Variants in ACOT7 observed in about 807,000 individuals in gnomAD.
ACOT7 encodes the protein cytosolic acyl coenzyme A thioester hydrolase.
Under a neutral mutation model 40.2 loss-of-function variants are expected in ACOT7, and 12 were observed. That is an observed-to-expected ratio of 0.30 (90% CI 0.19 to 0.48). The LOEUF (loss-of-function observed/expected upper bound fraction) is 0.48, where lower values mean the gene tolerates loss of function less well. Among genes scored for constraint, ACOT7 ranks in the 20% least tolerant of loss-of-function variants. The probability of loss-of-function intolerance (pLI) is 0.99; values close to 1 mark genes in which losing one functional copy is unlikely to be tolerated. For synonymous variants in ACOT7, 228 were observed against 219.5 expected (o/e 1.04, Z -0.34); for missense variants, 395 against 530.8 (o/e 0.74, Z 2.51).
intron 5 of ACOT7, among the ~76,000 whole-genome samples, chr1:6,319,224 G>A (rs1397916607): frequency 6.6e-6 from 1 of 152,166 alleles, no homozygotes; most frequent in Non-Finnish European, 1.5e-5. Context: ...ACAAAGCCTC[G>A]CTCTATTGCC....
chr1:6,386,035 C>T (rs138329737), intron 1 of ACOT7, among the ~76,000 whole-genome samples: 160 of 152,320 alleles, frequency 1.1e-3, no homozygotes, highest in Non-Finnish European at 1.6e-3. Context: ...CCTTAAACCT[C>T]GCACCACTCA....
chr1:6,323,737 AATATAT>A (rs57302929), intron 5 of ACOT7, among the ~76,000 whole-genome samples: 438 of 38,406 alleles, frequency 0.011, 1 homozygote, highest in East Asian at 0.045. Context: ...AAAAAAAAAA[AATATAT>A]ATATATATAT....
intron 1 of ACOT7, chr1:6,385,937 A>C: frequency 1.1e-6 from 1 of 908,342 alleles, no homozygotes; most frequent in South Asian, 2.0e-5. Context: ...ACAGACAGGG[A>C]AACAGGACAG....
intron 8 of ACOT7, among the ~76,000 whole-genome samples, chr1:6,272,657 A>C (rs1200609620): frequency 6.6e-6 from 1 of 151,676 alleles, no homozygotes; most frequent in African/African-American, 2.4e-5. Context: ...TTGCCAGGAC[A>C]CTCCACACCC....
intron 2 of ACOT7, among the ~76,000 whole-genome samples, chr1:6,348,529 G>A (rs1196663484): frequency 6.6e-6 from 1 of 152,144 alleles, no homozygotes; most frequent in African/African-American, 2.4e-5. Context: ...ATGAGAGAAT[G>A]GGGACAGAGC....
Position 6,306,547 on chromosome 1 carries a change from G to C in ACOT7, c.713-11567C>G. 1 of 985,440 alleles carries C rather than the reference G, an allele frequency of 1.0e-6. No individual in the cohort carries two copies. Among genetic ancestry groups the C allele is most frequent in the Non-Finnish European group, 1.2e-6 (1 of 829,934 alleles). 61.0% of individuals were successfully genotyped at this position (985,440 alleles called of 1,614,324 possible). The stretch of plus-strand genomic sequence containing the variant: ...AGGATGGACGTGAAGCTGTTCTTCA[G>C]AACAGAAGAACCTGGAGAACGATGT... On this transcript the variant is annotated intron_variant, in intron 6 of 8. Transcript: ENST00000361521. This position sits in a 1 kb window ranked among gnomAD's most constrained non-coding sequence, Gnocchi z 4.3.
chr1:6,295,522 C>T (rs1162829573), intron 6 of ACOT7: 3 of 152,644 alleles, frequency 2.0e-5, no homozygotes, highest in Non-Finnish European at 2.9e-5. Flanking sequence ...GCAGCATGTA[C>T]GCATAGCAGC....
chr1:6,270,651 A>T (rs1639006339), intron 8 of ACOT7, among the ~76,000 whole-genome samples: 1 of 152,256 alleles, frequency 6.6e-6, no homozygotes, highest in South Asian at 2.1e-4. Flanking sequence ...GTTCACCTGG[A>T]AACAGGAACT....
chr1:6,313,242 G>A (rs1640389732), intron 6 of ACOT7, among the ~76,000 whole-genome samples: 2 of 152,214 alleles, frequency 1.3e-5, no homozygotes, highest in South Asian at 4.1e-4. Flanking sequence ...AAATGGGTTA[G>A]TAATAAAAAG....
rs1195383241 is a variant in ACOT7, at chr1:6,344,536, C to G, written c.262-4947G>C. ...ATCCCAGCACTTTAGGAGGCCGAGGCAGGTGGATCACAAGGTCAGGAGTTC... is the reference window on the plus strand; with the variant it reads ...ATCCCAGCACTTTAGGAGGCCGAGGGAGGTGGATCACAAGGTCAGGAGTTC... On this transcript the variant is annotated intron_variant, in intron 2 of 8. Transcript: ENST00000361521. Among the ~76,000 whole-genome samples the G allele has an allele frequency of 2.6e-5, 4 of 152,046 alleles. No individual in the cohort carries two copies. In the East Asian group the frequency reaches 7.7e-4, roughly 29 times the overall value.
chr1:6,316,536 G>A (rs1050639681), intron 6 of ACOT7, among the ~76,000 whole-genome samples: 12 of 152,332 alleles, frequency 7.9e-5, no homozygotes, highest in South Asian at 6.2e-4. Flanking sequence ...AGGGCCGGGC[G>A]CGGTGGCTCA....
intron 1 of ACOT7, among the ~76,000 whole-genome samples, chr1:6,375,261 C>CAA (rs34778182): frequency 1.3e-3 from 99 of 73,848 alleles, no homozygotes; most frequent in African/African-American, 3.8e-3. Context: ...AGACTCCTCT[C>CAA]AAAAAAAAAA....
At chr1:6,336,288 T>C (rs997597000) in intron 3 of ACOT7, among the ~76,000 whole-genome samples, 1 of 138,410 alleles carries the variant, frequency 7.2e-6, no homozygotes, top group Non-Finnish European at 1.5e-5. Context: ...GAGCCGAGAT[T>C]GCGCCACTGC....
intron 1 of ACOT7, among the ~76,000 whole-genome samples, chr1:6,388,352 G>A (rs995600462): frequency 9.2e-5 from 14 of 151,564 alleles, no homozygotes; most frequent in Admixed American, 1.3e-4. Context: ...CTCGTGATCC[G>A]CCCACCTGGG....
rs1337824815 is a variant in ACOT7 at position 6,282,836 on chromosome 1, C to G, written c.830-1550G>C. On this transcript the variant is annotated intron_variant, in intron 7 of 8. Coordinates refer to ENST00000361521, the MANE Select transcript of ACOT7 (RefSeq NM_007274.4). The surrounding 1 kb of genome is among the most constrained non-coding windows in gnomAD (Gnocchi z 4.5). ...GTCCCATGCAAAGCGCCCGCAGTCA[C>G]AAGACGCACCCCGGGAGGAGGGCAG... The G allele has an allele frequency of 1.6e-6, 2 of 1,288,004 alleles. No homozygotes were observed. The highest frequency in any genetic ancestry group is 2.1e-6 in the Non-Finnish European group (2 of 974,322). 79.8% of individuals were successfully genotyped at this position (1,288,004 alleles called of 1,614,324 possible).
chr1:6,344,913 G>A (rs1277110187), intron 2 of ACOT7, among the ~76,000 whole-genome samples: 2 of 152,320 alleles, frequency 1.3e-5, no homozygotes, highest in Middle Eastern at 6.8e-3. Context: ...CTGGGAGGCT[G>A]CAGAGGTGGC....
At chr1:6,354,580 A>C (rs906909172) in intron 1 of ACOT7, among the ~76,000 whole-genome samples, 8 of 151,980 alleles carry the variant, frequency 5.3e-5, no homozygotes, top group Non-Finnish European at 1.2e-4. Flanking sequence ...ACAATCAGAC[A>C]CTGTTTGGGG....
rs145327597 is a variant in ACOT7 at position 6,275,816 on chromosome 1, C to T, written c.1014+5286G>A. Reference sequence around the variant, plus strand: ...ATTTCGGTGGCTAAAGACTGAAGCTCGGAGTCCTGGGCTGGCCACCTCGGG... The same window carrying T: ...ATTTCGGTGGCTAAAGACTGAAGCTTGGAGTCCTGGGCTGGCCACCTCGGG... On this transcript the variant is annotated intron_variant, in intron 8 of 8. Transcript: ENST00000361521. This position sits in a 1 kb window ranked among gnomAD's most constrained non-coding sequence, Gnocchi z 5.6. 5.3e-5 allele frequency among the ~76,000 whole-genome samples: 8 copies of T among 152,098 alleles called. No individual in the cohort carries two copies. The South Asian group carries it at 1.0e-3, about 20-fold the overall frequency.
intron 7 of ACOT7, among the ~76,000 whole-genome samples, chr1:6,284,512 G>A (rs935826029): frequency 6.9e-6 from 1 of 143,906 alleles, no homozygotes; most frequent in African/African-American, 2.7e-5. Context: ...GGAGGCGCAG[G>A]TTGCAGTGAG....
Sources: allele counts gnomAD v4.1 joint callset (sites outside exome capture counted in the v4.1 genomes callset), GRCh38; gene constraint gnomAD v4.1.1; non-coding constraint Gnocchi (gnomAD v3.1); transcripts MANE v1.5; gene names NCBI Gene and HGNC (gene_info 2026-07-23, HGNC 2026-07-21).